Variants in PNPLA6 observed in about 807,000 individuals in gnomAD.
PNPLA6 encodes patatin like domain 6, lysophospholipase, also known as patatin-like phospholipase domain-containing protein 6.
PNPLA6 carries 105 observed loss-of-function variants against 153.7 expected under a neutral mutation model. The ratio of observed to expected loss-of-function variants is 0.68; its 90% CI spans 0.58 to 0.80. The LOEUF is 0.80. PNPLA6 is among the 30% of genes least tolerant of loss of function. The pLI is 0.00. For synonymous variants in PNPLA6, 825 were observed against 822.2 expected (o/e 1.00, Z -0.06); for missense variants, 1,423 against 1,919.3 (o/e 0.74, Z 4.83).
rs2023817737 is a variant in PNPLA6, at chr19:7,555,175, G to A, written c.2818-74G>A. 6 of 1,529,816 alleles carry A rather than the reference G, an allele frequency of 3.9e-6. No individual in the cohort carries two copies. Among genetic ancestry groups the A allele is most frequent in the Non-Finnish European group, 5.3e-6 (6 of 1,129,308 alleles). The allele number at this position is 1,529,816 out of a possible 1,614,324, so 94.8% of individuals were successfully genotyped here. A position where few individuals can be genotyped will look rare whatever the true frequency, so the allele number is the denominator to read the frequency against. On this transcript the variant is annotated intron_variant, in intron 22 of 31. Coordinates refer to ENST00000600737, the MANE Select transcript of PNPLA6 (RefSeq NM_001166114.2). The surrounding 1 kb of genome is among the most constrained non-coding windows in gnomAD (Gnocchi z 6.3). ...GGGAGGGCTGAGGACAGGCTCGAAG[G>A]TCAGGGTACCCCTGGGGGATCCGCC...
chr19:7,551,199 G>A (rs1032494381), intron 17 of PNPLA6, 92 bp downstream of exon 17: 43 of 988,274 alleles, frequency 4.4e-5, no homozygotes, highest in Non-Finnish European at 5.6e-5. Flanking sequence ...CTTACAGAGG[G>A]GCGGGGTCGA....
chr19:7,541,719 TC>T lies in PNPLA6; in HGVS notation c.1168+38del. On this transcript the variant is annotated intron_variant, in intron 9 of 31. Coordinates refer to ENST00000600737, the MANE Select transcript of PNPLA6 (RefSeq NM_001166114.2). This position sits in a 1 kb window ranked among gnomAD's most constrained non-coding sequence, Gnocchi z 5.2. Reference sequence around the variant, plus strand: ...GACCCGAGGCCAGCCGAGCCCAATCTCCCAGGAAGCCCCGTCTCAGCCGCCA... The same window carrying T: ...GACCCGAGGCCAGCCGAGCCCAATCTCCAGGAAGCCCCGTCTCAGCCGCCA... 1 of 1,549,574 alleles carries T rather than the reference TC, an allele frequency of 6.5e-7. No homozygotes were observed. The highest frequency in any genetic ancestry group is 8.7e-7 in the Non-Finnish European group (1 of 1,151,438).
chr19:7,558,976 A>T lies in PNPLA6; in HGVS notation c.3524A>T (p.Asn1175Ile). 1 of 1,614,214 alleles carries T rather than the reference A, an allele frequency of 6.2e-7. No individual in the cohort carries two copies. Among genetic ancestry groups the T allele is most frequent in the Non-Finnish European group, 8.5e-7 (1 of 1,180,042 alleles). ...SGWWLLWKRL[N>I]PWADKVKVPD... ...TGGTGGCTGCTGTGGAAGCGGCTGA[A>T]TCCCTGGGCTGACAAGGTAAAGGTT... is the stretch of plus-strand genomic sequence containing the variant. Residue 1175 changes from asparagine to isoleucine, a missense_variant, in exon 28 of 32, where the codon AAT becomes ATT. Asn to Ile is a moderately radical substitution (Grantham distance 149). Coordinates refer to ENST00000600737, the MANE Select transcript of PNPLA6 (RefSeq NM_001166114.2).
chr19:7,560,897 C>T (rs1453276558), intron 29 of PNPLA6, 117 bp from the exon 30 acceptor site: 2 of 856,484 alleles, frequency 2.3e-6, no homozygotes, highest in South Asian at 1.4e-5. Context: ...CCTCTGCTGA[C>T]TTCAGAGAGT....
chr19:7,551,093 C>CG lies in PNPLA6; in HGVS notation c.2171dup (p.Arg725ProfsTer59). 6.5e-7 allele frequency: 1 copy of CG among 1,547,350 alleles called. No individual in the cohort carries two copies. Among genetic ancestry groups the CG allele is most frequent in the Non-Finnish European group, 8.7e-7 (1 of 1,145,244 alleles). ...CGAGGGCACCTTGGGTCACATCAAACGCCGGTACCCGCAGGTGCGGCCTGT... is the reference window on the plus strand; with the variant it reads ...CGAGGGCACCTTGGGTCACATCAAACGGCCGGTACCCGCAGGTGCGGCCTGT... On this transcript the variant is annotated frameshift_variant, in exon 17 of 32. Coordinates refer to ENST00000600737, the MANE Select transcript of PNPLA6 (RefSeq NM_001166114.2). LOFTEE classifies it high-confidence loss of function.
At chr19:7,548,740 C>CAT (rs201180836) in intron 13 of PNPLA6, among the ~76,000 whole-genome samples, 133 of 135,252 alleles carry the variant, frequency 9.8e-4, no homozygotes, top group African/African-American at 2.1e-3. Context: ...TATATACACA[C>CAT]ATATATATAT....
chr19:7,561,382 G>A (rs1435520054), intron 31 of PNPLA6, 65 bp downstream of exon 31: 12 of 1,430,992 alleles, frequency 8.4e-6, no homozygotes, highest in Non-Finnish European at 1.2e-5. Flanking sequence ...GTGTCAGGCA[G>A]GGGAGCCGGG....
At chr19:7,561,419 G>C (rs1229448898) in intron 31 of PNPLA6, 69 bp from the exon 32 acceptor site, 2 of 1,442,036 alleles carry the variant, frequency 1.4e-6, no homozygotes, top group African/African-American at 2.8e-5. Context: ...TGTGTGTGCT[G>C]GGTGCTGGCT....
chr19:7,561,486 A>G lies in PNPLA6; in HGVS notation c.4024-2A>G. The G allele has an allele frequency of 6.2e-7, 1 of 1,603,524 alleles. No individual in the cohort carries two copies. The highest frequency in any genetic ancestry group is 1.3e-5 in the African/African-American group (1 of 74,842). ...TGACGTGTGTGTGACCTTCCCTCGC[A>G]GGAGGAGGAGAAGTCGATTCTCCGG... is the stretch of plus-strand genomic sequence containing the variant. On this transcript the variant is annotated splice_acceptor_variant, in intron 31 of 31. Coordinates refer to ENST00000600737, the MANE Select transcript of PNPLA6 (RefSeq NM_001166114.2). LOFTEE classifies it high-confidence loss of function.
intron 17 of PNPLA6, 124 bp from the exon 18 acceptor site, chr19:7,551,238 C>A (rs1271784705): frequency 6.3e-6 from 3 of 474,380 alleles, no homozygotes; most frequent in Non-Finnish European, 1.1e-5. Context: ...AGAGTGAGGG[C>A]GGGGGCTCTC....
At position 7,540,424 on chromosome 19, in the gene PNPLA6, G is replaced by C; in HGVS notation, c.714+116G>C. ...ATGCGTCATCGGGAGTCAGGGGAAC[G>C]GGTGACCGAGGACATTTGGGGTAGT... On this transcript the variant is annotated intron_variant, in intron 5 of 31. Transcript: ENST00000600737. The surrounding 1 kb of genome is among the most constrained non-coding windows in gnomAD (Gnocchi z 6.8). 8.2e-7 allele frequency: 1 copy of C among 1,216,460 alleles called. No individual in the cohort carries two copies. Among genetic ancestry groups the C allele is most frequent in the African/African-American group, 1.5e-5 (1 of 67,644 alleles). 75.4% of individuals were successfully genotyped at this position (1,216,460 alleles called of 1,614,324 possible).
At chr19:7,550,943 G>T (rs2023615703) in intron 16 of PNPLA6, 51 bp from the exon 17 acceptor site, 1 of 1,334,790 alleles carries the variant, frequency 7.5e-7, no homozygotes. Flanking sequence ...CCCATCTTCG[G>T]CCTCCTCATT....
In PNPLA6 at chr19:7,541,935, C is replaced by T. The variant is rs377418218; in HGVS notation, c.1169-49C>T. On this transcript the variant is annotated intron_variant, in intron 9 of 31. Coordinates refer to ENST00000600737, the MANE Select transcript of PNPLA6 (RefSeq NM_001166114.2). This position sits in a 1 kb window ranked among gnomAD's most constrained non-coding sequence, Gnocchi z 5.2. ...TCTCCTTATCTCCCAACCTGCTAAT[C>T]CTCCTAGTGGCTCTGAGGGGCAGGA... 127 of 1,489,850 alleles carry T rather than the reference C, an allele frequency of 8.5e-5. No homozygotes were observed. In the African/African-American group the frequency reaches 1.6e-3, roughly 19 times the overall value. The allele number at this position is 1,489,850 out of a possible 1,614,324, so 92.3% of individuals were successfully genotyped here. A position where few individuals can be genotyped will look rare whatever the true frequency, so the allele number is the denominator to read the frequency against.
Position 7,554,570 on chromosome 19 carries a change from G to A in PNPLA6, c.2481G>A (p.Arg827=), listed in dbSNP as rs755336577. Residue 827 remains arginine (R), a synonymous_variant, in exon 21 of 32, where the codon CGG becomes CGA. Coordinates refer to ENST00000600737, the MANE Select transcript of PNPLA6 (RefSeq NM_001166114.2). ...ASALDSIQEF[R]LSGWLAQQED... is the part of the protein sequence containing the mutation. ...CCCACCCTAGCATCCAAGAGTTCCG[G>A]CTGTCAGGGTGGCTGGCCCAGCAGG... 1 of 1,614,102 alleles carries A rather than the reference G, an allele frequency of 6.2e-7. No homozygotes were observed. The highest frequency in any genetic ancestry group is 1.7e-5 in the Admixed American group (1 of 60,018).
At chr19:7,557,442 A>T in intron 27 of PNPLA6, 158 bp downstream of exon 27, 1 of 684,264 alleles carries the variant, frequency 1.5e-6, no homozygotes, top group Admixed American at 2.0e-5. Context: ...GATCACTTGC[A>T]CAAAATGATA....
chr19:7,535,337 G>A, upstream of PNPLA6: 1 of 644,170 alleles, frequency 1.6e-6, no homozygotes, highest in South Asian at 1.7e-5. The surrounding 1 kb of genome is among the most constrained non-coding windows in gnomAD (Gnocchi z 5.0). Context: ...AGGTCGGTTT[G>A]CTCCATCCCT....
intron 13 of PNPLA6, among the ~76,000 whole-genome samples, chr19:7,545,090 G>A (rs1333910344): frequency 2.6e-5 from 4 of 151,832 alleles, no homozygotes; most frequent in Non-Finnish European, 4.4e-5. Context: ...GCAGCGGTGC[G>A]ATCTTGGCTC....
Position 7,540,644 on chromosome 19 carries a change from T to G in PNPLA6, c.729T>G (p.Cys243Trp). 1 of 1,613,478 alleles carries G rather than the reference T, an allele frequency of 6.2e-7. No individual in the cohort carries two copies. Among genetic ancestry groups the G allele is most frequent in the Non-Finnish European group, 8.5e-7 (1 of 1,179,554 alleles). Residue 243 changes from cysteine (C) to tryptophan (W), a missense_variant, in exon 6 of 32, where the codon TGT (cysteine) becomes TGG (tryptophan). Around this residue, in one of 10 missense-constraint regions of PNPLA6, gnomAD observed 118 missense variants for 158.8 expected, o/e 0.74. Transcript: ENST00000600737. The surrounding 1 kb of genome is among the most constrained non-coding windows in gnomAD (Gnocchi z 6.8). The part of the protein sequence containing the change: ...LCLPGPDGKE[C>W]VVKEVVPGDS... ...CTGTGTCTCAGGACGGGAAGGAGTG[T>G]GTGGTGAAGGAAGTGGTTCCTGGGG...
intron 3 of PNPLA6, among the ~76,000 whole-genome samples, chr19:7,538,601 A>G (rs2146045031): frequency 6.6e-6 from 1 of 152,210 alleles, no homozygotes; most frequent in Admixed American, 6.5e-5. Context: ...AATCACTGTG[A>G]CTTGTGGGGA....
Sources: allele counts gnomAD v4.1 joint callset (sites outside exome capture counted in the v4.1 genomes callset), GRCh38; gene constraint gnomAD v4.1.1; regional missense constraint gnomAD v4.1.1; non-coding constraint Gnocchi (gnomAD v3.1); transcripts MANE v1.5; gene names NCBI Gene and HGNC (gene_info 2026-07-23, HGNC 2026-07-21).